INPP5A: variants seen among roughly 807,000 people sequenced by gnomAD.
INPP5A encodes inositol polyphosphate-5-phosphatase A.
A neutral mutation model predicts 65.2 loss-of-function variants in INPP5A; 14 were observed. The ratio of observed to expected loss-of-function variants is 0.21; its 90% CI spans 0.14 to 0.34. The LOEUF (loss-of-function observed/expected upper bound fraction) is 0.34, where lower values mean the gene tolerates loss of function less well. Ranked by LOEUF, INPP5A falls within the 10% of genes least tolerant of loss-of-function variation. The pLI is 1.00. For missense variants in INPP5A, 431 were observed against 545.6 expected, an observed-to-expected ratio of 0.79 and a Z score of 2.09; for synonymous variants, 207 against 208.3, an observed-to-expected ratio of 0.99 and a Z score of 0.05.
chr10:132,755,455 TGAGCGA>T (rs56299755), intron 11 of INPP5A, among the ~76,000 whole-genome samples: 1 of 142,294 alleles, frequency 7.0e-6, no homozygotes, highest in Non-Finnish European at 1.5e-5. Flanking sequence ...AGAGCAGGTG[TGAGCGA>T]GTGTGTGTGA....
intron 9 of INPP5A, among the ~76,000 whole-genome samples, chr10:132,738,966 T>C (rs1846226683): frequency 6.6e-6 from 1 of 151,952 alleles, no homozygotes; most frequent in East Asian, 1.9e-4. Flanking sequence ...CCCCTTCGGG[T>C]CTAGGGTTCA....
At chr10:132,748,717 G>A (rs1480098529) in intron 9 of INPP5A, among the ~76,000 whole-genome samples, 1 of 152,270 alleles carries the variant, frequency 6.6e-6, no homozygotes, top group Non-Finnish European at 1.5e-5. Flanking sequence ...ATGCAGTGTG[G>A]GAGAGAGATC....
At chr10:132,687,678 G>T (rs957290414) in intron 4 of INPP5A, among the ~76,000 whole-genome samples, 11 of 152,334 alleles carry the variant, frequency 7.2e-5, no homozygotes, top group Middle Eastern at 3.4e-3. Context: ...GAGGCCCATG[G>T]TTACCCTGCA....
intron 8 of INPP5A, among the ~76,000 whole-genome samples, chr10:132,725,803 T>C (rs2134579550): frequency 6.6e-6 from 1 of 152,380 alleles, no homozygotes; most frequent in South Asian, 2.1e-4. Flanking sequence ...GCCTCTGTGC[T>C]GCCTGCCCCT....
rs2133333699 is a variant in INPP5A at position 132,603,423 on chromosome 10, TC to T, written c.76-4489del. ...GCTTGTCCACGTGGAATAAACGTCATCCCAGTCTGCAGAGCTCCAGCAAGGA... is the reference window on the plus strand; with the variant it reads ...GCTTGTCCACGTGGAATAAACGTCATCCAGTCTGCAGAGCTCCAGCAAGGA... On this transcript the variant is annotated intron_variant, in intron 1 of 15. Transcript: ENST00000368594. The surrounding 1 kb of genome is among the most constrained non-coding windows in gnomAD (Gnocchi z 4.2). Among the ~76,000 whole-genome samples the T allele has an allele frequency of 6.6e-6, 1 of 152,318 alleles. No homozygotes were observed. The highest frequency in any genetic ancestry group is 2.1e-4 in the South Asian group (1 of 4,832).
chr10:132,770,235 C>G (rs1298589975), intron 12 of INPP5A, among the ~76,000 whole-genome samples: 1 of 152,206 alleles, frequency 6.6e-6, no homozygotes, highest in Non-Finnish European at 1.5e-5. Flanking sequence ...CCCGACGGTA[C>G]CCACCCCCAG....
intron 11 of INPP5A, among the ~76,000 whole-genome samples, chr10:132,754,240 G>A (rs1421669833): frequency 6.6e-6 from 1 of 152,262 alleles, no homozygotes; most frequent in Non-Finnish European, 1.5e-5. Flanking sequence ...TGCCTGCCCT[G>A]TAGGTGGGAA....
chr10:132,571,261 C>T (rs1375584220), intron 1 of INPP5A, among the ~76,000 whole-genome samples: 1 of 152,264 alleles, frequency 6.6e-6, no homozygotes, highest in Non-Finnish European at 1.5e-5. Flanking sequence ...GCAGCGAGGC[C>T]AGAGGCTCCT....
rs563279035 is a variant in INPP5A, at chr10:132,732,386, A to G, written c.732+5481A>G. Among the ~76,000 whole-genome samples, 3 of 152,372 alleles carry G rather than the reference A, an allele frequency of 2.0e-5. No individual in the cohort carries two copies. In the South Asian group the frequency reaches 6.2e-4, roughly 32 times the overall value. On this transcript the variant is annotated intron_variant, in intron 9 of 15. Coordinates refer to ENST00000368594, the MANE Select transcript of INPP5A (RefSeq NM_005539.5). ...TGACAAGTCTTTCGTTACATTTTGC[A>G]CACAGTTTACTATGTAAGTAAAGCG... is the stretch of plus-strand genomic sequence containing the variant.
At chr10:132,565,135 G>A (rs932406231) in intron 1 of INPP5A, among the ~76,000 whole-genome samples, 1 of 152,136 alleles carries the variant, frequency 6.6e-6, no homozygotes, top group Admixed American at 6.5e-5. Flanking sequence ...TTCGAGTCAA[G>A]GTCTCAGCTC....
rs149023974 is a variant in INPP5A at position 132,778,120 on chromosome 10, C to T, written c.1089+338C>T. Among the ~76,000 whole-genome samples, 317 of 152,244 alleles carry T rather than the reference C, an allele frequency of 2.1e-3. 3 individuals are homozygous for T. The highest frequency in any genetic ancestry group is 6.2e-3 in the African/African-American group (259 of 41,542). On this transcript the variant is annotated intron_variant, in intron 13 of 15. Coordinates refer to ENST00000368594, the MANE Select transcript of INPP5A (RefSeq NM_005539.5). ...GGAAGTCAACGTGCTCTTGTGCGTT[C>T]CAGCGCTCATGGGCTGGGCCGTGAA...
rs1156486523 is a variant in INPP5A, at chr10:132,555,382, G to T, written c.75+17211G>T. On this transcript the variant is annotated intron_variant, in intron 1 of 15. Transcript: ENST00000368594. This position sits in a 1 kb window ranked among gnomAD's most constrained non-coding sequence, Gnocchi z 4.4. ...GCGCTGGCCCAGTGGAGCTGCTGGG[G>T]CCTATCTGTTTTTTTGAACTTCTGA... Among the ~76,000 whole-genome samples the T allele has an allele frequency of 6.6e-6, 1 of 152,104 alleles. No individual in the cohort carries two copies. Among genetic ancestry groups the T allele is most frequent in the African/African-American group, 2.4e-5 (1 of 41,394 alleles).
chr10:132,596,530 C>A (rs1425236429), intron 1 of INPP5A, among the ~76,000 whole-genome samples: 2 of 151,880 alleles, frequency 1.3e-5, no homozygotes, highest in African/African-American at 4.8e-5. Flanking sequence ...CAGGTTCAAG[C>A]GATTCCCCTG....
At chr10:132,630,385 G>A (rs904598594) in intron 2 of INPP5A, among the ~76,000 whole-genome samples, 1 of 152,032 alleles carries the variant, frequency 6.6e-6, no homozygotes, top group Non-Finnish European at 1.5e-5. Flanking sequence ...GTGTCCTTGA[G>A]GAAAAGATGT....
At chr10:132,748,503 G>T (rs1007566872) in intron 9 of INPP5A, among the ~76,000 whole-genome samples, 4 of 152,252 alleles carry the variant, frequency 2.6e-5, no homozygotes, top group Non-Finnish European at 5.9e-5. Flanking sequence ...CTGTGTCGGG[G>T]CCAGGGGCTC....
At chr10:132,766,022 G>A (rs1846836166) in intron 12 of INPP5A, among the ~76,000 whole-genome samples, 176 bp downstream of exon 12, 1 of 152,212 alleles carries the variant, frequency 6.6e-6, no homozygotes, top group Non-Finnish European at 1.5e-5. Context: ...TGTGTGTTGT[G>A]CATCTGTGTG....
chr10:132,569,947 GGGCCCCCA>G (rs2071319192), intron 1 of INPP5A, among the ~76,000 whole-genome samples: 1 of 145,866 alleles, frequency 6.9e-6, no homozygotes, highest in Non-Finnish European at 1.5e-5. Flanking sequence ...CCACCGCACT[GGGCCCCCA>G]CTGTTTTTTT....
chr10:132,552,996 C>A lies in INPP5A; in HGVS notation c.75+14825C>A, dbSNP rs113823707. 6.1e-3 allele frequency among the ~76,000 whole-genome samples: 622 copies of A among 102,378 alleles called. 9 individuals carry two copies. Among genetic ancestry groups the A allele is most frequent in the African/African-American group, 0.024 (593 of 24,736 alleles). The allele number at this position is 102,378 out of a possible 152,430, so 67.2% of individuals were successfully genotyped here. On this transcript the variant is annotated intron_variant, in intron 1 of 15. Coordinates refer to ENST00000368594, the MANE Select transcript of INPP5A (RefSeq NM_005539.5). ...GGATTGGTGAACGCCTTCTCAGAGC[C>A]TTGGTGTGGAATATTGGGTAGGATA...
chr10:132,722,109 T>A (rs914006789), intron 8 of INPP5A, among the ~76,000 whole-genome samples: 39 of 152,312 alleles, frequency 2.6e-4, no homozygotes, highest in African/African-American at 8.7e-4. Context: ...CTCAGTAGTT[T>A]TAGTAATTTT....
Sources: gnomAD v4.1 joint callset for allele counts (sites outside exome capture counted in the v4.1 genomes callset) on GRCh38, gnomAD v4.1.1 for gene constraint, Gnocchi (gnomAD v3.1) non-coding constraint, MANE v1.5 for transcripts, NCBI Gene and HGNC (gene_info 2026-07-23, HGNC 2026-07-21) for gene names.